The following DOCK5 variants were observed in gnomAD, a reference collection of about 807,000 sequenced individuals.
DOCK5 encodes dedicator of cytokinesis 5.
A neutral mutation model predicts 251.8 loss-of-function variants in DOCK5; 142 were observed. The ratio of observed to expected loss-of-function variants is 0.56; its 90% CI spans 0.49 to 0.65. The LOEUF is 0.65. DOCK5 is among the 30% of genes least tolerant of loss of function. The probability of loss-of-function intolerance (pLI) is 0.00; values close to 1 mark genes in which losing one functional copy is unlikely to be tolerated. For synonymous variants in DOCK5, 842 were observed against 835.5 expected (o/e 1.01, Z -0.13); for missense variants, 2,111 against 2,312.3 (o/e 0.91, Z 1.79).
At chr8:25,273,791 C>T (rs1433042653) in intron 3 of DOCK5, among the ~76,000 whole-genome samples, 1 of 152,178 alleles carries the variant, frequency 6.6e-6, no homozygotes, top group Non-Finnish European at 1.5e-5. Context: ...ACAGTAGACA[C>T]ACATTTAATT....
At chr8:25,201,624 A>T (rs1801879513) in intron 1 of DOCK5, among the ~76,000 whole-genome samples, 1 of 152,222 alleles carries the variant, frequency 6.6e-6, no homozygotes, top group Non-Finnish European at 1.5e-5. Context: ...TTGGCTGCAG[A>T]GTGAGGTTTT....
At chr8:25,336,901 G>T (rs1805825179) in intron 22 of DOCK5, among the ~76,000 whole-genome samples, 1 of 152,074 alleles carries the variant, frequency 6.6e-6, no homozygotes, top group Admixed American at 6.6e-5. Flanking sequence ...CAACCCCAGT[G>T]ACTTTCCTAC....
chr8:25,215,113 G>T (rs1270065819), intron 1 of DOCK5, among the ~76,000 whole-genome samples: 4 of 152,198 alleles, frequency 2.6e-5, no homozygotes, highest in Non-Finnish European at 5.9e-5. Flanking sequence ...CCATTTTGGA[G>T]AGGGAGTCAT....
In DOCK5 at chr8:25,386,016, G is replaced by C. The variant is rs141189814; in HGVS notation, c.4132-3075G>C. On this transcript the variant is annotated intron_variant, in intron 40 of 51. Coordinates refer to ENST00000276440, the MANE Select transcript of DOCK5 (RefSeq NM_024940.8). ...GAGGCTGGAGTAGTTGTGTACAAGA[G>C]GGTGTATAGGAGAATGGGGCAGGTG... 3.9e-5 allele frequency among the ~76,000 whole-genome samples: 6 copies of C among 152,334 alleles called. No individual in the cohort carries two copies. The East Asian group carries it at 1.2e-3, about 29-fold the overall frequency.
chr8:25,194,817 T>C (rs1801678052), intron 1 of DOCK5, among the ~76,000 whole-genome samples: 1 of 152,198 alleles, frequency 6.6e-6, no homozygotes, highest in Non-Finnish European at 1.5e-5. Context: ...TGTCATCAAG[T>C]GCAGTCTGTC....
intron 14 of DOCK5, among the ~76,000 whole-genome samples, chr8:25,318,037 T>A (rs4056996): frequency 0.85 from 128,988 of 152,190 alleles, 54,715 homozygotes; most frequent in Middle Eastern, 0.87. Flanking sequence ...TCCAGTCCAG[T>A]GTTCCTCCAA....
At chr8:25,387,212 C>T (rs1236875028) in intron 40 of DOCK5, among the ~76,000 whole-genome samples, 1 of 92,300 alleles carries the variant, frequency 1.1e-5, no homozygotes, top group East Asian at 3.2e-4. Flanking sequence ...TAAGAGGTCT[C>T]GCTCTGTCAT....
intron 1 of DOCK5, among the ~76,000 whole-genome samples, chr8:25,205,498 C>T (rs1294746591): frequency 3.9e-5 from 6 of 152,286 alleles, no homozygotes; most frequent in East Asian, 3.9e-4. Flanking sequence ...CAGGGAGTTG[C>T]GTGTTATTTG....
intron 20 of DOCK5, 88 bp from the exon 21 acceptor site, chr8:25,334,008 A>C (rs1012003383): frequency 3.2e-6 from 3 of 931,836 alleles, no homozygotes; most frequent in African/African-American, 3.2e-5. Flanking sequence ...CAGAGAGGAA[A>C]GAAGGCACCG....
chr8:25,236,477 C>T (rs182801984), intron 1 of DOCK5, among the ~76,000 whole-genome samples: 12 of 152,078 alleles, frequency 7.9e-5, no homozygotes, highest in Non-Finnish European at 1.8e-4. Flanking sequence ...GCAGGAAAGC[C>T]AAGATGAAGA....
chr8:25,205,697 G>A (rs1004254008), intron 1 of DOCK5, among the ~76,000 whole-genome samples: 2 of 152,164 alleles, frequency 1.3e-5, no homozygotes, highest in African/African-American at 2.4e-5. Context: ...GCCCAAATCA[G>A]CTGGTGAACT....
intron 2 of DOCK5, among the ~76,000 whole-genome samples, chr8:25,259,049 G>T (rs932963524): frequency 6.6e-6 from 1 of 152,196 alleles, no homozygotes; most frequent in African/African-American, 2.4e-5. Flanking sequence ...AGCCCGGGGG[G>T]GCGGAGGTTG....
Position 25,336,257 on chromosome 8 carries a change from G to T in DOCK5, c.2211G>T (p.Leu737=). The part of the protein sequence containing the change: ...TLAYVKLSKV[L]NFYVANADDS... Reference sequence around the variant, plus strand: ...TTCTAAGGAAACTCTCCAAGGTACTGAACTTCTATGTGGCTAATGCAGATG... The same window carrying T: ...TTCTAAGGAAACTCTCCAAGGTACTTAACTTCTATGTGGCTAATGCAGATG... The change falls in exon 22 of 52, where the codon CTG becomes CTT. Residue 737 remains leucine (L), a synonymous_variant. Coordinates refer to ENST00000276440, the MANE Select transcript of DOCK5 (RefSeq NM_024940.8). 1 of 1,613,562 alleles carries T rather than the reference G, an allele frequency of 6.2e-7. No individual in the cohort carries two copies. Among genetic ancestry groups the T allele is most frequent in the Non-Finnish European group, 8.5e-7 (1 of 1,179,558 alleles).
At chr8:25,391,009 G>A (rs1028917610) in intron 42 of DOCK5, among the ~76,000 whole-genome samples, 7 of 151,630 alleles carry the variant, frequency 4.6e-5, no homozygotes, top group South Asian at 2.1e-4. Context: ...GGGTTTCACC[G>A]TGTTGCCCAG....
intron 2 of DOCK5, among the ~76,000 whole-genome samples, chr8:25,264,826 A>T (rs1803693804): frequency 6.9e-6 from 1 of 145,144 alleles, no homozygotes; most frequent in Admixed American, 6.9e-5. Flanking sequence ...GACTGTCTCA[A>T]AAAACAAAAA....
chr8:25,330,219 T>C (rs1034798639), intron 18 of DOCK5, among the ~76,000 whole-genome samples: 1 of 152,212 alleles, frequency 6.6e-6, no homozygotes, highest in Non-Finnish European at 1.5e-5. Flanking sequence ...TGAATGAATA[T>C]ATTAATGATT....
chr8:25,301,110 A>T (rs1450900657), intron 9 of DOCK5, among the ~76,000 whole-genome samples: 1 of 152,236 alleles, frequency 6.6e-6, no homozygotes, highest in Non-Finnish European at 1.5e-5. Context: ...TATGCCAAAG[A>T]GAAGCGTGCT....
chr8:25,238,393 C>T (rs973099986), intron 1 of DOCK5, among the ~76,000 whole-genome samples: 2 of 152,124 alleles, frequency 1.3e-5, no homozygotes, highest in Non-Finnish European at 2.9e-5. Flanking sequence ...CTATGAAATA[C>T]GCTGGAAATG....
At chr8:25,403,980 A>C (rs1355507648) in intron 48 of DOCK5, among the ~76,000 whole-genome samples, 1 of 152,206 alleles carries the variant, frequency 6.6e-6, no homozygotes, top group Non-Finnish European at 1.5e-5. Context: ...TTCCATTTTA[A>C]AAAATAAATT....
Sources: gnomAD v4.1 joint callset for allele counts (sites outside exome capture counted in the v4.1 genomes callset) on GRCh38, gnomAD v4.1.1 for gene constraint, MANE v1.5 for transcripts, NCBI Gene and HGNC (gene_info 2026-07-23, HGNC 2026-07-21) for gene names.